Variants in PRKAR1B observed in about 807,000 individuals in gnomAD.
PRKAR1B encodes protein kinase cAMP-dependent type I regulatory subunit beta, also known as cAMP-dependent protein kinase type I-beta regulatory subunit.
A neutral mutation model predicts 46.5 loss-of-function variants in PRKAR1B; 22 were observed. That is an observed-to-expected ratio of 0.47 (90% CI 0.34 to 0.68). The LOEUF is 0.68. PRKAR1B is among the 30% of genes least tolerant of loss of function. PRKAR1B has a pLI of 0.01. For synonymous variants in PRKAR1B, 259 were observed against 217.7 expected (o/e 1.19, Z -1.67); for missense variants, 445 against 535.6 (o/e 0.83, Z 1.67).
At position 588,600 on chromosome 7, in the gene PRKAR1B, G is replaced by A. The variant is rs1420041332; in HGVS notation, c.709-4032C>T. Among the ~76,000 whole-genome samples, 407 of 70,828 alleles carry A rather than the reference G, an allele frequency of 5.7e-3. 25 individuals are homozygous for A. The highest frequency in any genetic ancestry group is 0.024 in the African/African-American group (353 of 14,642). 46.5% of individuals were successfully genotyped at this position (70,828 alleles called of 152,430 possible). ...GATAGTGACAGTGGTGATGACGGTG[G>A]TGATGGTGATGGTGGTGATGGTGAT... On this transcript the variant is annotated intron_variant, in intron 7 of 10. Transcript: ENST00000537384.
At chr7:564,148 G>T (rs578079833) in intron 9 of PRKAR1B, among the ~76,000 whole-genome samples, 5 of 152,176 alleles carry the variant, frequency 3.3e-5, no homozygotes, top group African/African-American at 7.2e-5. Flanking sequence ...CCATCATTCT[G>T]GACCTGGCCC....
At chr7:554,347 C>G (rs923329355) in intron 9 of PRKAR1B, among the ~76,000 whole-genome samples, 1 of 152,400 alleles carries the variant, frequency 6.6e-6, no homozygotes, top group South Asian at 2.1e-4. Context: ...GCCCATCACG[C>G]TGACCTTGCG....
At chr7:563,584 G>A (rs1166271953) in intron 9 of PRKAR1B, among the ~76,000 whole-genome samples, 2 of 152,122 alleles carry the variant, frequency 1.3e-5, no homozygotes, top group Admixed American at 6.5e-5. Flanking sequence ...ACAGGTGTGT[G>A]TATGGGTGTG....
rs567202177 is a variant in PRKAR1B at position 563,541 on chromosome 7, T to C, written c.892-12071A>G. On this transcript the variant is annotated intron_variant, in intron 9 of 10. Coordinates refer to ENST00000537384, the MANE Select transcript of PRKAR1B (RefSeq NM_001164760.2). ...GCAACCTCTGCACGCTGGGTGTGTG[T>C]GTGCATGCATGTGTGCACGTGTGAG... 7.9e-5 allele frequency among the ~76,000 whole-genome samples: 12 copies of C among 152,352 alleles called. No homozygotes were observed. The East Asian group carries it at 2.1e-3, about 27-fold the overall frequency.
intron 4 of PRKAR1B, among the ~76,000 whole-genome samples, chr7:649,585 T>A (rs1169647783): frequency 6.6e-6 from 1 of 152,094 alleles, no homozygotes; most frequent in Non-Finnish European, 1.5e-5. Flanking sequence ...ATTTATTTAT[T>A]TTTATTTTTT....
intron 9 of PRKAR1B, chr7:562,073 C>A (rs1266238940): frequency 6.6e-6 from 1 of 152,338 alleles, no homozygotes; most frequent in Non-Finnish European, 1.5e-5. Flanking sequence ...GCGCCAGCAA[C>A]CACGGTTAGG....
intron 4 of PRKAR1B, among the ~76,000 whole-genome samples, chr7:636,506 G>A (rs1033607128): frequency 3.9e-5 from 6 of 152,176 alleles, no homozygotes; most frequent in African/African-American, 1.2e-4. Flanking sequence ...TTCACCAGGG[G>A]TGGGGGGTTT....
chr7:668,220 G>A (rs1786042020), intron 4 of PRKAR1B, among the ~76,000 whole-genome samples: 2 of 152,224 alleles, frequency 1.3e-5, no homozygotes, highest in Non-Finnish European at 2.9e-5. Context: ...AGTCAGGGGT[G>A]TGCCAGACGC....
At chr7:591,155 G>A (rs1032885856) in intron 7 of PRKAR1B, among the ~76,000 whole-genome samples, 4 of 152,280 alleles carry the variant, frequency 2.6e-5, no homozygotes, top group Non-Finnish European at 5.9e-5. Flanking sequence ...GGTGACAGCT[G>A]AAGGCTGCCA....
intron 8 of PRKAR1B, among the ~76,000 whole-genome samples, chr7:583,438 A>C (rs1256896524): frequency 8.5e-6 from 1 of 117,562 alleles, no homozygotes; most frequent in Admixed American, 8.1e-5. Flanking sequence ...ACACACCCAC[A>C]GTGCACACTC....
chr7:673,231 G>A (rs544931931), intron 4 of PRKAR1B, among the ~76,000 whole-genome samples: 56 of 152,106 alleles, frequency 3.7e-4, no homozygotes, highest in African/African-American at 1.3e-3. Context: ...CTTCCTCAGG[G>A]TCCCTTCGTG....
chr7:672,442 G>C (rs963621247), intron 4 of PRKAR1B, among the ~76,000 whole-genome samples: 1 of 151,870 alleles, frequency 6.6e-6, no homozygotes, highest in Non-Finnish European at 1.5e-5. Flanking sequence ...ATGAGCCACC[G>C]CACCCGGCCT....
chr7:719,030 C>A (rs1320088507), intron 1 of PRKAR1B, among the ~76,000 whole-genome samples: 1 of 151,698 alleles, frequency 6.6e-6, no homozygotes, highest in Non-Finnish European at 1.5e-5. Context: ...CCCCATCACA[C>A]CCAGCTTATT....
At chr7:691,795 G>A in intron 2 of PRKAR1B, 1 of 1,191,096 alleles carries the variant, frequency 8.4e-7, no homozygotes, top group Non-Finnish European at 1.1e-6. Context: ...ACCTCCTGCG[G>A]AGGACGGCGC....
At chr7:726,902 G>C in intron 1 of PRKAR1B, 1 of 1,345,392 alleles carries the variant, frequency 7.4e-7, no homozygotes, top group Admixed American at 3.4e-5. Flanking sequence ...GAGGAGCCAG[G>C]CCCTGCCGCC....
chr7:721,273 G>C (rs1050571348), intron 1 of PRKAR1B, among the ~76,000 whole-genome samples: 1 of 152,184 alleles, frequency 6.6e-6, no homozygotes, highest in Admixed American at 6.5e-5. Flanking sequence ...TGAGGTGAAA[G>C]ATGGTCAGTG....
Position 606,222 on chromosome 7 carries a change from A to G in PRKAR1B, c.520T>C (p.Phe174Leu). 1 of 1,613,976 alleles carries G rather than the reference A, an allele frequency of 6.2e-7. No individual in the cohort carries two copies. Among genetic ancestry groups the G allele is most frequent in the Non-Finnish European group, 8.5e-7 (1 of 1,179,870 alleles). The change falls in exon 6 of 11, where the codon TTC (phenylalanine) becomes CTC (leucine). Residue 174 changes from phenylalanine (F) to leucine (L), a missense_variant. Physicochemically the swap from Phe to Leu is conservative, Grantham distance 22. Coordinates refer to ENST00000537384, the MANE Select transcript of PRKAR1B (RefSeq NM_001164760.2). ...ACTTCCCCTTGATCAACGACATAGA[A>G]GTTGTCTCCTTCATTCCCTGTAACA... ...VIQQGNEGDNFYVVDQGEVDV... is the reference protein window; with the variant it reads ...VIQQGNEGDNLYVVDQGEVDV...
chr7:585,519 C>T (rs900985832), intron 7 of PRKAR1B, among the ~76,000 whole-genome samples: 3 of 152,194 alleles, frequency 2.0e-5, no homozygotes, highest in Middle Eastern at 6.8e-3. Context: ...GGGTGTACGC[C>T]GGGATGTGAG....
chr7:699,408 C>T (rs73047928), intron 2 of PRKAR1B, among the ~76,000 whole-genome samples: 18,476 of 152,114 alleles, frequency 0.12, 1,193 homozygotes, highest in South Asian at 0.21. Context: ...CCCCTCCCAA[C>T]GCAGGAACAG....
Sources: gnomAD v4.1 joint callset for allele counts (sites outside exome capture counted in the v4.1 genomes callset) on GRCh38, gnomAD v4.1.1 for gene constraint, MANE v1.5 for transcripts, NCBI Gene and HGNC (gene_info 2026-07-23, HGNC 2026-07-21) for gene names.